The following ATXN10 variants were observed in gnomAD, a reference collection of about 807,000 sequenced individuals.
The protein encoded by ATXN10 is ataxin-10.
A neutral mutation model predicts 52.9 loss-of-function variants in ATXN10; 28 were observed. That is an observed-to-expected ratio of 0.53 (90% CI 0.39 to 0.73). ATXN10 has a LOEUF of 0.73. ATXN10 is among the 30% of genes least tolerant of loss of function. The pLI is 0.00. For synonymous variants in ATXN10, 226 were observed against 221.5 expected, an observed-to-expected ratio of 1.02 and a Z score of -0.18; for missense variants, 565 against 577.0, an observed-to-expected ratio of 0.98 and a Z score of 0.21.
At position 45,795,415 on chromosome 22, in the gene ATXN10, ATTCTATTC is replaced by A. The variant is rs1569068133; in HGVS notation, c.1174-11541_1174-11534del. 0.013 allele frequency among the ~76,000 whole-genome samples: 1,745 copies of A among 134,182 alleles called. 37 individuals are homozygous for A. Among genetic ancestry groups the A allele is most frequent in the African/African-American group, 0.042 (1,487 of 35,384 alleles). 88.0% of individuals were successfully genotyped at this position (134,182 alleles called of 152,430 possible). On this transcript the variant is annotated intron_variant, in intron 9 of 11. Transcript: ENST00000252934. The surrounding 1 kb of genome is among the most constrained non-coding windows in gnomAD (Gnocchi z 4.6). ...ATTCTATTCTATTCTATTCTATTCT[ATTCTATTC>A]TTTTTGAGATGAAGTCTCTCTATGT...
At chr22:45,836,640 G>A (rs947460200) in intron 10 of ATXN10, among the ~76,000 whole-genome samples, 1 of 152,190 alleles carries the variant, frequency 6.6e-6, no homozygotes, top group African/African-American at 2.4e-5. Flanking sequence ...GGTGAGATGG[G>A]GTGAGGAGGT....
chr22:45,788,260 C>CT (rs1927385834), intron 9 of ATXN10, among the ~76,000 whole-genome samples: 1 of 152,106 alleles, frequency 6.6e-6, no homozygotes, highest in African/African-American at 2.4e-5. Flanking sequence ...TGTCTCGTCT[C>CT]TAAGTGCCTC....
chr22:45,815,175 A>G (rs1235659160), intron 10 of ATXN10, among the ~76,000 whole-genome samples: 2 of 152,212 alleles, frequency 1.3e-5, no homozygotes, highest in East Asian at 1.9e-4. Context: ...GTGAACTGCT[A>G]TGTGTAACAC....
chr22:45,697,355 G>T (rs182168929), intron 3 of ATXN10, among the ~76,000 whole-genome samples: 1 of 151,924 alleles, frequency 6.6e-6, no homozygotes, highest in African/African-American at 2.4e-5. Context: ...GGCTGGTCTC[G>T]AACTCCTGAC....
intron 9 of ATXN10, among the ~76,000 whole-genome samples, chr22:45,767,296 G>A (rs928213330): frequency 3.9e-5 from 6 of 152,102 alleles, no homozygotes; most frequent in Non-Finnish European, 8.8e-5. Flanking sequence ...AGAGTGATCT[G>A]AGTGATGTAT....
intron 3 of ATXN10, among the ~76,000 whole-genome samples, 165 bp downstream of exon 3, chr22:45,693,243 C>T (rs1490397093): frequency 6.6e-6 from 1 of 152,170 alleles, no homozygotes; most frequent in Non-Finnish European, 1.5e-5. Context: ...ATCAACTTCC[C>T]TTCCTGAATG....
At position 45,708,265 on chromosome 22, in the gene ATXN10, C is replaced by A. The variant is rs1020280242; in HGVS notation, c.647+5418C>A. Among the ~76,000 whole-genome samples the A allele has an allele frequency of 5.9e-5, 9 of 152,250 alleles. No individual in the cohort carries two copies. The highest frequency in any genetic ancestry group is 2.2e-4 in the African/African-American group (9 of 41,534). On this transcript the variant is annotated intron_variant, in intron 5 of 11. Transcript: ENST00000252934. The surrounding 1 kb of genome is among the most constrained non-coding windows in gnomAD (Gnocchi z 5.3). The stretch of plus-strand genomic sequence containing the variant: ...TTTGAGTTCATCTAAATCTGAAAGT[C>A]CAGTAAATGTGCACTGGTAGGTTAG...
chr22:45,735,422 C>A (rs1925255866), intron 7 of ATXN10, among the ~76,000 whole-genome samples: 1 of 151,754 alleles, frequency 6.6e-6, no homozygotes, highest in South Asian at 2.1e-4. Flanking sequence ...TATATCATAT[C>A]CTAAATTCTT....
chr22:45,685,081 T>G (rs1923081924), intron 1 of ATXN10, among the ~76,000 whole-genome samples: 1 of 135,600 alleles, frequency 7.4e-6, no homozygotes, highest in African/African-American at 2.9e-5. Context: ...AGCATTACAA[T>G]GACTAGCATG....
chr22:45,783,689 C>T lies in ATXN10; in HGVS notation c.1174-23270C>T, dbSNP rs899609933. On this transcript the variant is annotated intron_variant, in intron 9 of 11. Transcript: ENST00000252934. The surrounding 1 kb of genome is among the most constrained non-coding windows in gnomAD (Gnocchi z 5.0). ...AAGAGCAGTACCTGTTTCTGATTTA[C>T]CTTTTAGTCCCCAATACAAGGTCTA... 1.3e-5 allele frequency among the ~76,000 whole-genome samples: 2 copies of T among 152,170 alleles called. No homozygotes were observed. The highest frequency in any genetic ancestry group is 4.8e-5 in the African/African-American group (2 of 41,418).
At chr22:45,699,073 T>C (rs1350618402) in intron 3 of ATXN10, among the ~76,000 whole-genome samples, 1 of 152,210 alleles carries the variant, frequency 6.6e-6, no homozygotes, top group Non-Finnish European at 1.5e-5. Flanking sequence ...GAATATATTA[T>C]GCCCATCAAA....
rs1569068068 is a variant in ATXN10 at position 45,795,400 on chromosome 22, ATTCTATTCTATTCTATTCTATTC to A, written c.1174-11556_1174-11534del. Among the ~76,000 whole-genome samples the A allele has an allele frequency of 7.2e-4, 108 of 150,846 alleles. 2 individuals carry two copies. Among genetic ancestry groups the A allele is most frequent in the African/African-American group, 2.5e-3 (103 of 41,084 alleles). On this transcript the variant is annotated intron_variant, in intron 9 of 11. Coordinates refer to ENST00000252934, the MANE Select transcript of ATXN10 (RefSeq NM_013236.4). This position sits in a 1 kb window ranked among gnomAD's most constrained non-coding sequence, Gnocchi z 4.6. ...ATTCTATTCTATTCTATTCTATTCT[ATTCTATTCTATTCTATTCTATTC>A]TTTTTGAGATGAAGTCTCTCTATGT...
At chr22:45,716,813 A>G (rs1924466403) in intron 5 of ATXN10, among the ~76,000 whole-genome samples, 1 of 152,230 alleles carries the variant, frequency 6.6e-6, no homozygotes, top group Admixed American at 6.5e-5. Flanking sequence ...CACAAAGGCA[A>G]AAGTTGATCT....
rs573091131 is a variant in ATXN10, at chr22:45,798,539, G to A, written c.1174-8420G>A. On this transcript the variant is annotated intron_variant, in intron 9 of 11. Transcript: ENST00000252934. ...AAGGAACTTTCTCATCCTGAAAAAG[G>A]CATCTATGAAAAAAAAATTCAACAG... Among the ~76,000 whole-genome samples the A allele has an allele frequency of 3.5e-4, 53 of 152,078 alleles. 1 individual carries two copies. Among genetic ancestry groups the A allele is most frequent in the Middle Eastern group, 3.4e-3 (1 of 294 alleles).
rs981758723 is a variant in ATXN10 at position 45,757,289 on chromosome 22, C to T, written c.1173+16751C>T. On this transcript the variant is annotated intron_variant, in intron 9 of 11. Transcript: ENST00000252934. The surrounding 1 kb of genome is among the most constrained non-coding windows in gnomAD (Gnocchi z 4.6). ...TGGCGACTTTCAGCTACACCCTCCTCCCTCCCCTAGCCCCACACAAAACAA... is the reference window on the plus strand; with the variant it reads ...TGGCGACTTTCAGCTACACCCTCCTTCCTCCCCTAGCCCCACACAAAACAA... Among the ~76,000 whole-genome samples, 2 of 152,170 alleles carry T rather than the reference C, an allele frequency of 1.3e-5. No homozygotes were observed. Among genetic ancestry groups the T allele is most frequent in the Admixed American group, 1.3e-4 (2 of 15,280 alleles).
chr22:45,674,335 A>G (rs759561654), intron 1 of ATXN10: 8 of 152,296 alleles, frequency 5.3e-5, no homozygotes, highest in Non-Finnish European at 7.3e-5. Context: ...TGTTCCAGGC[A>G]GAGATTGGAG....
rs5765609 is a variant in ATXN10 at position 45,763,837 on chromosome 22, G to T, written c.1173+23299G>T. Among the ~76,000 whole-genome samples, 87,027 of 152,110 alleles carry T rather than the reference G, an allele frequency of 0.57. 26,164 individuals carry two copies. The highest frequency in any genetic ancestry group is 0.75 in the East Asian group (3,834 of 5,136). On this transcript the variant is annotated intron_variant, in intron 9 of 11. Coordinates refer to ENST00000252934, the MANE Select transcript of ATXN10 (RefSeq NM_013236.4). The surrounding 1 kb of genome is among the most constrained non-coding windows in gnomAD (Gnocchi z 6.9). ...ACAGCATAGCATGGTGGTGGAGTGG[G>T]CTCACTGAGTGAGCTGGTGAGCATG...
chr22:45,697,696 C>G (rs944231890), intron 3 of ATXN10, among the ~76,000 whole-genome samples: 12 of 152,148 alleles, frequency 7.9e-5, no homozygotes, highest in African/African-American at 2.9e-4. Context: ...GTGGGGCGAT[C>G]TCGGCTCACT....
At position 45,786,754 on chromosome 22, in the gene ATXN10, G is replaced by A. The variant is rs1927336353; in HGVS notation, c.1174-20205G>A. On this transcript the variant is annotated intron_variant, in intron 9 of 11. Transcript: ENST00000252934. This position sits in a 1 kb window ranked among gnomAD's most constrained non-coding sequence, Gnocchi z 4.1. ...AGAACATTTTTTACCTATCAAAAAA[G>A]CAACTTTAAAAATCTGCAGCATCAG... Among the ~76,000 whole-genome samples, 1 of 152,176 alleles carries A rather than the reference G, an allele frequency of 6.6e-6. No individual in the cohort carries two copies. Among genetic ancestry groups the A allele is most frequent in the African/African-American group, 2.4e-5 (1 of 41,446 alleles).
Sources: gnomAD v4.1 joint callset for allele counts (sites outside exome capture counted in the v4.1 genomes callset) on GRCh38, gnomAD v4.1.1 for gene constraint, Gnocchi (gnomAD v3.1) non-coding constraint, MANE v1.5 for transcripts, NCBI Gene and HGNC (gene_info 2026-07-23, HGNC 2026-07-21) for gene names.